The following GRIP1 variants were observed in gnomAD, a reference collection of about 807,000 sequenced individuals.
GRIP1 encodes glutamate receptor interacting protein 1.
Under a neutral mutation model 129.9 loss-of-function variants are expected in GRIP1, and 45 were observed. That is an observed-to-expected ratio of 0.35 (90% confidence interval 0.27 to 0.44). GRIP1 has a LOEUF of 0.44. GRIP1 is among the 20% of genes least tolerant of loss of function. GRIP1 has a pLI of 1.00. For missense variants in GRIP1, 1,196 were observed against 1,396.8 expected, an observed-to-expected ratio of 0.86 and a Z score of 2.29; for synonymous variants, 530 against 520.8, an observed-to-expected ratio of 1.02 and a Z score of -0.24.
intron 1 of GRIP1, among the ~76,000 whole-genome samples, chr12:66,818,206 C>T (rs1383041442): frequency 1.3e-5 from 2 of 152,128 alleles, no homozygotes; most frequent in Non-Finnish European, 2.9e-5. Context: ...TTATGCAGGT[C>T]TTCCAAATGT....
rs184447029 is a variant in GRIP1, at chr12:66,473,616, G to A, written c.725-8194C>T. On this transcript the variant is annotated intron_variant, in intron 7 of 24. Transcript: ENST00000359742. ...CATCGGGTGGGTGCCCCTCTGGGAC[G>A]AAGCTTCCAAAGGAAGGAACAGGCA... Among the ~76,000 whole-genome samples, 521 of 152,268 alleles carry A rather than the reference G, an allele frequency of 3.4e-3. 2 individuals carry two copies. Among genetic ancestry groups the A allele is most frequent in the African/African-American group, 0.011 (477 of 41,546 alleles).
chr12:66,517,476 C>T (rs1471795134), intron 6 of GRIP1, among the ~76,000 whole-genome samples: 1 of 152,098 alleles, frequency 6.6e-6, no homozygotes, highest in Non-Finnish European at 1.5e-5. Context: ...AGAATCTCAC[C>T]ACCACCACCT....
intron 1 of GRIP1, among the ~76,000 whole-genome samples, chr12:66,711,606 T>G (rs1348564028): frequency 1.3e-5 from 2 of 151,932 alleles, no homozygotes; most frequent in African/African-American, 4.8e-5. Flanking sequence ...GATTTTTTCT[T>G]GGTAGAATAA....
rs11176324 is a variant in GRIP1 at position 66,616,969 on chromosome 12, C to T, written c.56-20042G>A. Among the ~76,000 whole-genome samples the T allele has an allele frequency of 2.2e-4, 34 of 152,072 alleles. 1 individual carries two copies. In the East Asian group the frequency reaches 4.3e-3, roughly 19 times the overall value. On this transcript the variant is annotated intron_variant, in intron 1 of 24. Coordinates refer to ENST00000359742, the MANE Select transcript of GRIP1 (RefSeq NM_001366722.1). ...TAGAATAAATCACAAGGGCCTCGGG[C>T]GTGCAGATGCATGCTCTGAAAGGTC...
intron 1 of GRIP1, among the ~76,000 whole-genome samples, chr12:66,778,652 A>G (rs2038063954): frequency 6.6e-6 from 1 of 152,212 alleles, no homozygotes; most frequent in Non-Finnish European, 1.5e-5. Context: ...ACACCCTATA[A>G]AGAAACAAAT....
At chr12:66,631,424 G>A (rs1443394996) in intron 1 of GRIP1, among the ~76,000 whole-genome samples, 2 of 152,140 alleles carry the variant, frequency 1.3e-5, no homozygotes, top group Admixed American at 6.5e-5. Context: ...TTACTGCTCT[G>A]ATAAAAGAGA....
At chr12:66,375,151 A>C (rs2055725701) in intron 22 of GRIP1, among the ~76,000 whole-genome samples, 1 of 152,180 alleles carries the variant, frequency 6.6e-6, no homozygotes, top group South Asian at 2.1e-4. Flanking sequence ...TTGAATACTT[A>C]AGTGCCACAT....
intron 1 of GRIP1, among the ~76,000 whole-genome samples, chr12:67,045,068 G>T (rs2043233122): frequency 1.3e-5 from 2 of 152,202 alleles, no homozygotes; most frequent in Admixed American, 1.3e-4. Context: ...GTCATCTCCA[G>T]AGTGTATGCG....
intron 13 of GRIP1, among the ~76,000 whole-genome samples, chr12:66,443,287 C>T (rs1237443362): frequency 3.3e-5 from 5 of 152,190 alleles, no homozygotes. Context: ...CTTTGCCCCC[C>T]ACCTTTGATA....
At chr12:66,974,173 C>T (rs2042119231) in intron 1 of GRIP1, among the ~76,000 whole-genome samples, 1 of 152,064 alleles carries the variant, frequency 6.6e-6, no homozygotes, top group Admixed American at 6.5e-5. Context: ...ATCCTCCCAC[C>T]TCAGCCTCCC....
chr12:66,566,670 A>G (rs1344325221), intron 2 of GRIP1, among the ~76,000 whole-genome samples: 1 of 152,018 alleles, frequency 6.6e-6, no homozygotes, highest in Admixed American at 6.6e-5. Flanking sequence ...CTCTTTTTCT[A>G]TTGATTGAAA....
chr12:66,513,340 A>G (rs1164095717), intron 7 of GRIP1, among the ~76,000 whole-genome samples: 1 of 152,156 alleles, frequency 6.6e-6, no homozygotes, highest in Admixed American at 6.5e-5. Flanking sequence ...ACATTTTAGA[A>G]ACAGCTTATT....
chr12:66,442,853 A>G (rs1157709308), intron 13 of GRIP1, among the ~76,000 whole-genome samples: 1 of 152,200 alleles, frequency 6.6e-6, no homozygotes, highest in African/African-American at 2.4e-5. Context: ...TAATTTTTAA[A>G]TTAACTTTCT....
chr12:66,736,921 T>A (rs2036621471), intron 1 of GRIP1, among the ~76,000 whole-genome samples: 1 of 151,704 alleles, frequency 6.6e-6, no homozygotes, highest in African/African-American at 2.4e-5. Flanking sequence ...CAAGTCATTT[T>A]TTTTTTTTTT....
At position 66,348,944 on chromosome 12, in the gene GRIP1, A is replaced by G; in HGVS notation, c.*75T>C. ...ACGTTGATTGATTATCTGTGCTTCA[A>G]AGGTCACAGAAATCTTAAAGGATTT... On this transcript the variant is annotated 3_prime_UTR_variant, in exon 25 of 25. Transcript: ENST00000359742. 1.9e-6 allele frequency: 2 copies of G among 1,035,394 alleles called. No homozygotes were observed. Among genetic ancestry groups the G allele is most frequent in the South Asian group, 2.5e-5 (2 of 79,474 alleles). The allele number at this position is 1,035,394 out of a possible 1,614,324, so 64.1% of individuals were successfully genotyped here.
chr12:66,761,126 C>T (rs1482053966), intron 1 of GRIP1, among the ~76,000 whole-genome samples: 1 of 151,978 alleles, frequency 6.6e-6, no homozygotes, highest in Admixed American at 6.6e-5. Context: ...CTTTCCTTTT[C>T]AGCTCTCCCT....
rs372914281 is a variant in GRIP1, at chr12:66,697,077, G to A, written c.-419-66741C>T. Among the ~76,000 whole-genome samples, 156 of 152,054 alleles carry A rather than the reference G, an allele frequency of 1.0e-3. 2 individuals carry two copies. The South Asian group carries it at 0.032, about 31-fold the overall frequency. ...TGATCCCAGTGCCTGACATATAGCA[G>A]GTGCTTTATAAACATTTGGTAGTGA... On this transcript the variant is annotated intron_variant, in intron 1 of 4. Coordinates refer to the GRIP1 transcript ENST00000538373.
At chr12:66,866,069 T>C (rs1236753128) in intron 1 of GRIP1, among the ~76,000 whole-genome samples, 1 of 152,182 alleles carries the variant, frequency 6.6e-6, no homozygotes, top group Non-Finnish European at 1.5e-5. Context: ...CGACTTTTAT[T>C]GATGTCCCCA....
chr12:66,373,468 G>C (rs542011554), intron 22 of GRIP1, among the ~76,000 whole-genome samples: 14 of 152,162 alleles, frequency 9.2e-5, no homozygotes, highest in African/African-American at 3.4e-4. Flanking sequence ...TAAATGAGCC[G>C]AGGGCACTTT....
Sources: gnomAD v4.1 joint callset for allele counts (sites outside exome capture counted in the v4.1 genomes callset) on GRCh38, gnomAD v4.1.1 for gene constraint, MANE v1.5 for transcripts, NCBI Gene and HGNC (gene_info 2026-07-23, HGNC 2026-07-21) for gene names.